The following MAST4 variants were observed in gnomAD, a reference collection of about 807,000 sequenced individuals.
MAST4 encodes microtubule-associated serine/threonine-protein kinase 4.
Under a neutral mutation model 162.7 loss-of-function variants are expected in MAST4, and 89 were observed. The observed-to-expected ratio is 0.55, with a 90% CI of 0.46 to 0.65. The LOEUF (loss-of-function observed/expected upper bound fraction) is 0.65, where lower values mean the gene tolerates loss of function less well. MAST4 is among the 30% of genes least tolerant of loss of function. The pLI, the probability that MAST4 is intolerant of heterozygous loss-of-function variation, is 0.00. For missense variants in MAST4, 3,153 were observed against 3,374.0 expected (o/e 0.93, Z 1.62); for synonymous variants, 1,479 against 1,361.1 (o/e 1.09, Z -1.91).
chr5:66,861,491 G>A (rs1413039245), intron 3 of MAST4, among the ~76,000 whole-genome samples: 1 of 152,222 alleles, frequency 6.6e-6, no homozygotes, highest in Non-Finnish European at 1.5e-5. Flanking sequence ...GGCATGTAGA[G>A]CCAGAATACA....
chr5:67,164,178 T>A lies in MAST4; in HGVS notation c.4999T>A (p.Ser1667Thr), dbSNP rs1256975248. 6.2e-7 allele frequency: 1 copy of A among 1,611,292 alleles called. No individual in the cohort carries two copies. The highest frequency in any genetic ancestry group is 1.7e-5 in the Admixed American group (1 of 59,676). ...TGGGAAGGGGGAAGGCACGGAGAAG[T>A]CCTCCCAGGCCAAGGAGCTTCTCCG... ...ISGKGEGTEK[S>T]SQAKELLRCE... The change falls in exon 29 of 29, where the codon TCC (serine) becomes ACC (threonine). Residue 1667 changes from serine to threonine, a missense_variant. Physicochemically the swap from Ser to Thr is moderately conservative, Grantham distance 58 (BLOSUM62 1). Coordinates refer to ENST00000403625, the MANE Select transcript of MAST4 (RefSeq NM_001164664.2). The surrounding 1 kb of genome is among the most constrained non-coding windows in gnomAD (Gnocchi z 5.3).
chr5:66,632,554 C>A (rs538753846), intron 1 of MAST4, among the ~76,000 whole-genome samples: 3 of 152,234 alleles, frequency 2.0e-5, no homozygotes, highest in African/African-American at 7.2e-5. Flanking sequence ...CAGTGCACCC[C>A]TCTGCACACT....
At chr5:66,870,679 A>C (rs1760864809) in intron 3 of MAST4, 1 of 428,912 alleles carries the variant, frequency 2.3e-6, no homozygotes, top group African/African-American at 2.0e-5. Context: ...GCCGTTAAAC[A>C]CTGTCCCTCT....
chr5:66,785,908 A>G (rs1755094271), intron 2 of MAST4, among the ~76,000 whole-genome samples: 1 of 152,128 alleles, frequency 6.6e-6, no homozygotes, highest in Admixed American at 6.5e-5. Context: ...TCACTCTGTC[A>G]CCCAGGCTGG....
intron 4 of MAST4, among the ~76,000 whole-genome samples, chr5:66,991,243 G>A (rs960177485): frequency 4.6e-5 from 7 of 152,118 alleles, no homozygotes; most frequent in Admixed American, 4.6e-4. Flanking sequence ...AAAAAATTCA[G>A]TAGTTTTGGT....
intron 17 of MAST4, 104 bp downstream of exon 17, chr5:67,133,750 G>A (rs1183936045): frequency 1.6e-6 from 2 of 1,275,918 alleles, no homozygotes; most frequent in African/African-American, 1.5e-5. Context: ...AGTGCTGGTG[G>A]TTTAGATGTC....
At chr5:66,712,722 G>A (rs563103680) in intron 1 of MAST4, among the ~76,000 whole-genome samples, 29 of 152,132 alleles carry the variant, frequency 1.9e-4, no homozygotes, top group Admixed American at 1.4e-3. Context: ...GTTCTTTGCC[G>A]AAAAAGTAAT....
chr5:67,080,474 A>G (rs1762470064), intron 5 of MAST4, among the ~76,000 whole-genome samples: 1 of 152,190 alleles, frequency 6.6e-6, no homozygotes, highest in Non-Finnish European at 1.5e-5. Flanking sequence ...CAGAATCTCA[A>G]GAGTTGTGTG....
In MAST4 at chr5:67,167,800, C is replaced by G. The variant is rs140063595; in HGVS notation, c.*749C>G. The G allele has an allele frequency of 1.3e-5, 2 of 152,206 alleles. No individual in the cohort carries two copies. Among genetic ancestry groups the G allele is most frequent in the Non-Finnish European group, 2.9e-5 (2 of 68,042 alleles). The allele number at this position is 152,206 out of a possible 1,614,324, so 9.4% of individuals were successfully genotyped here. The stretch of plus-strand genomic sequence containing the variant: ...TAGCCATTTTCATTACACGGCCATC[C>G]CAATGGACACTGGATCCCTGGTCCA... On this transcript the variant is annotated 3_prime_UTR_variant, in exon 29 of 29. Transcript: ENST00000403625.
rs565121796 is a variant in MAST4, at chr5:66,740,261, T to C, written c.364-19448T>C. On this transcript the variant is annotated intron_variant, in intron 1 of 28. Coordinates refer to ENST00000403625, the MANE Select transcript of MAST4 (RefSeq NM_001164664.2). ...GTGGAAGGCAGCAGAGAACATGTTG[T>C]GAGGCAGGAAAGATTAGGAAGTTGC... 1.3e-3 allele frequency among the ~76,000 whole-genome samples: 195 copies of C among 152,262 alleles called. 1 individual carries two copies. Among genetic ancestry groups the C allele is most frequent in the African/African-American group, 4.6e-3 (193 of 41,524 alleles).
intron 4 of MAST4, among the ~76,000 whole-genome samples, chr5:66,979,490 C>T (rs921378031): frequency 6.6e-6 from 1 of 152,194 alleles, no homozygotes; most frequent in African/African-American, 2.4e-5. Flanking sequence ...TTTGGAGAAA[C>T]ACCTGAATGG....
At chr5:67,067,084 C>T (rs1760335491) in intron 5 of MAST4, among the ~76,000 whole-genome samples, 1 of 152,192 alleles carries the variant, frequency 6.6e-6, no homozygotes. Context: ...GGCTACAGAG[C>T]CTGTCACACT....
At chr5:67,054,588 T>C in intron 5 of MAST4, 96 bp downstream of exon 5, 1 of 1,064,494 alleles carries the variant, frequency 9.4e-7, no homozygotes, top group Non-Finnish European at 1.4e-6. Flanking sequence ...TGTCTTCACA[T>C]GTTATCTTTG....
At chr5:66,635,681 AT>A (rs1745063628) in intron 1 of MAST4, among the ~76,000 whole-genome samples, 1 of 150,410 alleles carries the variant, frequency 6.6e-6, no homozygotes, top group African/African-American at 2.5e-5. Flanking sequence ...AAGATTGTGG[AT>A]TTTTTCTTTT....
chr5:67,013,368 G>A lies in MAST4; in HGVS notation c.675-41036G>A, dbSNP rs997006810. On this transcript the variant is annotated intron_variant, in intron 4 of 28. Transcript: ENST00000403625. ...ACCTAGGTGGAGGGAATGAGAAACT[G>A]AAAATGTGAAATTTGCTGAGGTCTC... 2.0e-5 allele frequency among the ~76,000 whole-genome samples: 3 copies of A among 152,244 alleles called. No homozygotes were observed. The East Asian group carries it at 5.8e-4, about 29-fold the overall frequency.
intron 1 of MAST4, among the ~76,000 whole-genome samples, chr5:66,615,291 T>C (rs1178610307): frequency 6.6e-6 from 1 of 152,120 alleles, no homozygotes; most frequent in Non-Finnish European, 1.5e-5. Flanking sequence ...GGACACTGGC[T>C]ACTTGGTGGG....
intron 3 of MAST4, among the ~76,000 whole-genome samples, chr5:66,897,465 C>T (rs542529765): frequency 6.6e-6 from 1 of 152,230 alleles, no homozygotes; most frequent in African/African-American, 2.4e-5. Flanking sequence ...CTGCTCCCCG[C>T]GCAGGCTGCA....
chr5:66,849,211 A>ATTT (rs1451363793), intron 3 of MAST4, among the ~76,000 whole-genome samples: 1 of 152,092 alleles, frequency 6.6e-6, no homozygotes. Flanking sequence ...GCTGATGGAA[A>ATTT]TTTTGGGGGG....
At chr5:67,013,060 G>A (rs1752881216) in intron 4 of MAST4, among the ~76,000 whole-genome samples, 1 of 152,124 alleles carries the variant, frequency 6.6e-6, no homozygotes, top group Non-Finnish European at 1.5e-5. Context: ...TAGAATCCTG[G>A]GAATTTTTAC....
Sources: gnomAD v4.1 joint callset for allele counts (sites outside exome capture counted in the v4.1 genomes callset) on GRCh38, gnomAD v4.1.1 for gene constraint, Gnocchi (gnomAD v3.1) non-coding constraint, MANE v1.5 for transcripts, NCBI Gene and HGNC (gene_info 2026-07-23, HGNC 2026-07-21) for gene names.